RYR2: variants seen among roughly 807,000 people sequenced by gnomAD.
RYR2 encodes the protein cardiac muscle ryanodine receptor-calcium release channel.
A neutral mutation model predicts 601.1 loss-of-function variants in RYR2; 227 were observed. The observed-to-expected ratio is 0.38, with a 90% CI of 0.34 to 0.42. The LOEUF (loss-of-function observed/expected upper bound fraction) is 0.42. RYR2 is among the 10% of genes least tolerant of loss of function. The pLI is 1.00. For missense variants in RYR2, 4,646 were observed against 6,156.5 expected, an observed-to-expected ratio of 0.75 and a Z score of 8.21; for synonymous variants, 2,223 against 2,175.1, an observed-to-expected ratio of 1.02 and a Z score of -0.61.
intron 50 of RYR2, 144 bp downstream of exon 50, chr1:237,650,241 A>G: frequency 1.3e-6 from 1 of 754,768 alleles, no homozygotes; most frequent in Non-Finnish European, 2.2e-6. Flanking sequence ...ATACTGAGGT[A>G]TGAGTCTTCT....
chr1:237,631,607 A>G, intron 42 of RYR2, 66 bp downstream of exon 42: 1 of 445,570 alleles, frequency 2.2e-6, no homozygotes, highest in Non-Finnish European at 3.7e-6. Flanking sequence ...TTGATATAGA[A>G]TGCAGATTTT....
chr1:237,569,092 T>G (rs1572909344), intron 28 of RYR2, 53 bp from the exon 29 acceptor site: 18 of 1,536,514 alleles, frequency 1.2e-5, no homozygotes, highest in East Asian at 4.6e-5. Flanking sequence ...GGTGGGTGGG[T>G]GCGATTTTCC....
At chr1:237,224,373 T>C (rs1684135086) in intron 1 of RYR2, among the ~76,000 whole-genome samples, 1 of 152,210 alleles carries the variant, frequency 6.6e-6, no homozygotes, top group Non-Finnish European at 1.5e-5. Flanking sequence ...CAGTAGGTTA[T>C]TTTTAGTTAA....
intron 1 of RYR2, among the ~76,000 whole-genome samples, chr1:237,167,370 A>C (rs1175469788): frequency 6.6e-6 from 1 of 152,206 alleles, no homozygotes; most frequent in Non-Finnish European, 1.5e-5. Context: ...CATCAAATAG[A>C]GTAACGGTCC....
At chr1:237,170,404 G>A (rs207461254) in intron 1 of RYR2, among the ~76,000 whole-genome samples, 1 of 152,164 alleles carries the variant, frequency 6.6e-6, no homozygotes, top group African/African-American at 2.4e-5. Context: ...GAGAGGAGGC[G>A]GGTTCGGAAT....
intron 18 of RYR2, 120 bp from the exon 19 acceptor site, chr1:237,492,834 A>AGGAAGGAC: frequency 1.2e-6 from 1 of 802,600 alleles, no homozygotes. Flanking sequence ...AAAGGAAGGA[A>AGGAAGGAC]GGAAGGAAGG....
chr1:237,050,986 G>A (rs1661192688), intron 1 of RYR2, among the ~76,000 whole-genome samples: 1 of 152,160 alleles, frequency 6.6e-6, no homozygotes, highest in Admixed American at 6.5e-5. Flanking sequence ...ACACATGTGT[G>A]CACAAATGAA....
chr1:237,492,824 AAAGGAAGGAAGGAAGGAAGGAAGG>A, intron 18 of RYR2, 106 bp from the exon 19 acceptor site: 3 of 772,362 alleles, frequency 3.9e-6, no homozygotes, highest in Non-Finnish European at 5.7e-6. Context: ...ATGCTGTCTG[AAAGGAAGGAAGGAAGGAAGGAAGG>A]AAGGAAGGAA....
chr1:237,181,268 G>A (rs958203962), intron 1 of RYR2, among the ~76,000 whole-genome samples: 2 of 152,162 alleles, frequency 1.3e-5, no homozygotes, highest in South Asian at 4.1e-4. Context: ...ACAGGCATGA[G>A]CCACCACACC....
chr1:237,499,212 G>A (rs1036577693), intron 20 of RYR2, among the ~76,000 whole-genome samples: 4 of 152,190 alleles, frequency 2.6e-5, no homozygotes, highest in East Asian at 1.9e-4. Flanking sequence ...ATAAGCAAAA[G>A]TTTTTAGCTA....
intron 1 of RYR2, among the ~76,000 whole-genome samples, chr1:237,137,937 AATAG>A (rs772737159): frequency 1.3e-5 from 2 of 152,324 alleles, no homozygotes; most frequent in East Asian, 1.9e-4. Flanking sequence ...CCCCTTCCCT[AATAG>A]ATAGCCACTA....
intron 1 of RYR2, among the ~76,000 whole-genome samples, chr1:237,044,703 T>A (rs954467662): frequency 1.3e-5 from 2 of 151,458 alleles, no homozygotes; most frequent in African/African-American, 4.8e-5. Flanking sequence ...TCCTCACAAT[T>A]TTCCAATTTT....
At chr1:237,256,460 C>T (rs1274247517) in intron 1 of RYR2, among the ~76,000 whole-genome samples, 1 of 152,112 alleles carries the variant, frequency 6.6e-6, no homozygotes, top group Admixed American at 6.6e-5. Flanking sequence ...AGTAGATTAC[C>T]ATTTCAAAGC....
At chr1:237,172,598 G>T (rs775735858) in intron 1 of RYR2, among the ~76,000 whole-genome samples, 24 of 152,128 alleles carry the variant, frequency 1.6e-4, no homozygotes, top group Non-Finnish European at 3.4e-4. Context: ...AAAAAGAGAT[G>T]CAGAAAGCAA....
intron 3 of RYR2, among the ~76,000 whole-genome samples, chr1:237,353,661 GTTTCT>G (rs1699055670): frequency 6.6e-6 from 1 of 151,744 alleles, no homozygotes; most frequent in Non-Finnish European, 1.5e-5. Flanking sequence ...AATAACTGTT[GTTTCT>G]TTTAAGGGAA....
intron 12 of RYR2, among the ~76,000 whole-genome samples, chr1:237,436,453 C>CCTTTTTTTTTTTTTTT (rs1707366494): frequency 5.4e-5 from 3 of 55,824 alleles, no homozygotes; most frequent in African/African-American, 1.1e-4. Flanking sequence ...GTGTGATTTT[C>CCTTTTTTTTTTTTTTT]CTTTTTTTTT....
At chr1:237,175,901 A>G (rs746031710) in intron 1 of RYR2, among the ~76,000 whole-genome samples, 2 of 152,220 alleles carry the variant, frequency 1.3e-5, no homozygotes, top group Non-Finnish European at 1.5e-5. Flanking sequence ...TGAGAATGTT[A>G]AACACATTGT....
chr1:237,657,850 G>T (rs1683405207), intron 53 of RYR2, 94 bp from the exon 54 acceptor site: 1 of 654,272 alleles, frequency 1.5e-6, no homozygotes, highest in Non-Finnish European at 2.6e-6. Context: ...AATTGAATGA[G>T]ATATAAGCAT....
chr1:237,248,140 T>C (rs998863014), intron 1 of RYR2, among the ~76,000 whole-genome samples: 2 of 151,888 alleles, frequency 1.3e-5, no homozygotes, highest in Non-Finnish European at 2.9e-5. Context: ...GGTGTGGTGG[T>C]GCACTCCTGT....
Sources: gnomAD v4.1 joint callset for allele counts (sites outside exome capture counted in the v4.1 genomes callset) on GRCh38, gnomAD v4.1.1 for gene constraint, MANE v1.5 for transcripts, NCBI Gene and HGNC (gene_info 2026-07-23, HGNC 2026-07-21) for gene names.